SCARA3: variants seen among roughly 807,000 people sequenced by gnomAD.
SCARA3 encodes cellular stress response gene protein.
Under a neutral mutation model 47.0 loss-of-function variants are expected in SCARA3, and 39 were observed. That is an observed-to-expected ratio of 0.83 (90% CI 0.64 to 1.08). SCARA3 has a LOEUF of 1.08. Among genes scored for constraint, SCARA3 ranks in the 50% least tolerant of loss-of-function variants. The pLI is 0.00. For missense variants in SCARA3, 724 were observed against 792.3 expected (o/e 0.91, Z 1.04); for synonymous variants, 356 against 334.1 (o/e 1.07, Z -0.71).
the SCARA3 span, among the ~76,000 whole-genome samples, chr8:27,699,989 T>C: frequency 6.6e-6 from 1 of 152,152 alleles, no homozygotes; most frequent in African/African-American, 2.4e-5. Flanking sequence ...AAAAACAAAC[T>C]TTGATATTAC....
Position 27,634,045 on chromosome 8 carries a change from C to A in SCARA3, c.-156C>A. 1 of 511,106 alleles carries A rather than the reference C, an allele frequency of 2.0e-6. No individual in the cohort carries two copies. Among genetic ancestry groups the A allele is most frequent in the Non-Finnish European group, 3.0e-6 (1 of 332,636 alleles). The allele number at this position is 511,106 out of a possible 1,614,324, so 31.7% of individuals were successfully genotyped here. On this transcript the variant is annotated 5_prime_UTR_variant, in exon 1 of 6. Coordinates refer to ENST00000301904, the MANE Select transcript of SCARA3 (RefSeq NM_016240.3). ...CCACTCCTCCCGCCGCCTCCGCAGCCCGCGCGCCGGAGCATGAGTCCCGGC... is the reference window on the plus strand; with the variant it reads ...CCACTCCTCCCGCCGCCTCCGCAGCACGCGCGCCGGAGCATGAGTCCCGGC...
the SCARA3 span, among the ~76,000 whole-genome samples, chr8:27,714,192 C>CTTT: frequency 1.1e-4 from 13 of 114,340 alleles, no homozygotes; most frequent in African/African-American, 4.4e-4. Context: ...CTCAGGTATT[C>CTTT]CTTTTTTTTT....
At chr8:27,727,510 C>A in the SCARA3 span, among the ~76,000 whole-genome samples, 1 of 152,142 alleles carries the variant, frequency 6.6e-6, no homozygotes, top group Admixed American at 6.5e-5. Flanking sequence ...CCTAGAGTTC[C>A]TTCCAGTGGC....
downstream of SCARA3, among the ~76,000 whole-genome samples, chr8:27,678,034 T>C (rs1399206285): frequency 6.6e-6 from 1 of 152,226 alleles, no homozygotes; most frequent in Non-Finnish European, 1.5e-5. Context: ...ATTTGTGTGA[T>C]ACCGCTAAAG....
intron 3 of SCARA3, among the ~76,000 whole-genome samples, chr8:27,652,187 G>T (rs1585282053): frequency 6.6e-6 from 1 of 152,288 alleles, no homozygotes; most frequent in East Asian, 1.9e-4. Context: ...GAATCTGGGG[G>T]GTCCTGCAGG....
chr8:27,722,805 T>C, the SCARA3 span, among the ~76,000 whole-genome samples: 118 of 152,300 alleles, frequency 7.7e-4, 2 homozygotes, highest in African/African-American at 2.5e-3. Flanking sequence ...CCCAGACTGT[T>C]ACCCACCATT....
the SCARA3 span, chr8:27,703,456 A>C: frequency 1.3e-5 from 2 of 152,456 alleles, no homozygotes; most frequent in East Asian, 3.9e-4. Context: ...GGGTGGGCCC[A>C]GAATTGAGAT....
chr8:27,710,667 C>A, the SCARA3 span, among the ~76,000 whole-genome samples: 8 of 152,154 alleles, frequency 5.3e-5, no homozygotes, highest in Non-Finnish European at 1.0e-4. Flanking sequence ...CCGAAATCTA[C>A]ATATCACCTT....
the SCARA3 span, among the ~76,000 whole-genome samples, chr8:27,700,153 T>C: frequency 6.6e-6 from 1 of 152,258 alleles, no homozygotes; most frequent in South Asian, 2.1e-4. Context: ...AAAATTTTGA[T>C]AAATTGGATT....
intron 1 of SCARA3, among the ~76,000 whole-genome samples, chr8:27,640,180 T>A (rs902518114): frequency 5.3e-5 from 8 of 152,238 alleles, no homozygotes; most frequent in African/African-American, 1.9e-4. Context: ...TACGAGCAGC[T>A]GCATTTAACC....
At position 27,671,301 on chromosome 8, in the gene SCARA3, C is replaced by A. The variant is rs969792997; in HGVS notation, c.1771C>A (p.Pro591Thr). 7.0e-7 allele frequency: 1 copy of A among 1,435,692 alleles called. No homozygotes were observed. Among genetic ancestry groups the A allele is most frequent in the South Asian group, 1.5e-5 (1 of 65,952 alleles). The allele number at this position is 1,435,692 out of a possible 1,614,324, so 88.9% of individuals were successfully genotyped here. Reference sequence around the variant, plus strand: ...GGGTGAACCAGGGATCCAGGGTCCCCCTGGTCTCCCGGGGCCTCCAGGTCC... The same window carrying A: ...GGGTGAACCAGGGATCCAGGGTCCCACTGGTCTCCCGGGGCCTCCAGGTCC... Reference protein sequence around the residue: ...PKGEPGIQGPPGLPGPPGPPG... With the variant: ...PKGEPGIQGPTGLPGPPGPPG... The change falls in exon 6 of 6, where the codon CCT becomes ACT. Residue 591 changes from proline to threonine, a missense_variant. Pro to Thr is a conservative substitution (Grantham distance 38). Transcript: ENST00000301904.
chr8:27,678,329 C>T (rs1409674074), downstream of SCARA3, among the ~76,000 whole-genome samples: 1 of 152,064 alleles, frequency 6.6e-6, no homozygotes, highest in Non-Finnish European at 1.5e-5. Context: ...ACAGAGATTA[C>T]CAAGAGTGAG....
At chr8:27,673,476 G>A (rs1049424700), downstream of SCARA3, among the ~76,000 whole-genome samples, 1 of 152,256 alleles carries the variant, frequency 6.6e-6, no homozygotes, top group East Asian at 1.9e-4. Flanking sequence ...AGTCGGCACA[G>A]CAGCCTCACT....
downstream of SCARA3, among the ~76,000 whole-genome samples, chr8:27,677,537 T>C (rs907141372): frequency 6.6e-6 from 1 of 152,040 alleles, no homozygotes; most frequent in Admixed American, 6.6e-5. Context: ...TACCAGAAAA[T>C]CGATAGCTTA....
rs1554537179 is a variant in SCARA3, at chr8:27,646,976, C to CCG, written c.8-2725_8-2724insGC. On this transcript the variant is annotated intron_variant, in intron 1 of 5. Transcript: ENST00000301904. ...CCCGCACCCCTGACCGCCCCCGCCC[C>CCG]CCCCCCGCACACACACACTATTGCC... is the stretch of plus-strand genomic sequence containing the variant. Among the ~76,000 whole-genome samples, 2 of 105,438 alleles carry CCG rather than the reference C, an allele frequency of 1.9e-5. 1 individual carries two copies. Among genetic ancestry groups the CCG allele is most frequent in the Non-Finnish European group, 4.1e-5 (2 of 49,018 alleles). 69.2% of individuals were successfully genotyped at this position (105,438 alleles called of 152,430 possible).
Position 27,671,685 on chromosome 8 carries a change from C to T in SCARA3, c.*334C>T. 9.2e-7 allele frequency: 1 copy of T among 1,083,604 alleles called. No individual in the cohort carries two copies. Among genetic ancestry groups the T allele is most frequent in the Non-Finnish European group, 1.1e-6 (1 of 887,036 alleles). The allele number at this position is 1,083,604 out of a possible 1,614,324, so 67.1% of individuals were successfully genotyped here. On this transcript the variant is annotated 3_prime_UTR_variant, in exon 6 of 6. Transcript: ENST00000301904. Reference sequence around the variant, plus strand: ...ACACACACATGCACACATACACGTGCACACATACACAGGCACACATGCATG... The same window carrying T: ...ACACACACATGCACACATACACGTGTACACATACACAGGCACACATGCATG...
the SCARA3 span, among the ~76,000 whole-genome samples, chr8:27,723,344 A>G: frequency 1.3e-5 from 2 of 152,092 alleles, no homozygotes; most frequent in Admixed American, 1.3e-4. Flanking sequence ...TTATCATTCC[A>G]TGCTAAATGG....
At chr8:27,720,998 A>G in the SCARA3 span, among the ~76,000 whole-genome samples, 1 of 151,882 alleles carries the variant, frequency 6.6e-6, no homozygotes, top group African/African-American at 2.4e-5. Context: ...CCACCCATCC[A>G]TTCACCCACC....
the SCARA3 span, among the ~76,000 whole-genome samples, chr8:27,695,780 A>G: frequency 6.6e-6 from 1 of 152,298 alleles, no homozygotes; most frequent in Non-Finnish European, 1.5e-5. Context: ...CACATTGGAA[A>G]TGAAAAAAGT....
Sources: allele counts gnomAD v4.1 joint callset (sites outside exome capture counted in the v4.1 genomes callset), GRCh38; gene constraint gnomAD v4.1.1; transcripts MANE v1.5; gene names NCBI Gene and HGNC (gene_info 2026-07-23, HGNC 2026-07-21).